Variants in ZNF680 observed in about 807,000 individuals in gnomAD.
ZNF680 encodes the protein hypothetical protein FLJ90430.
ZNF680 carries 6 observed loss-of-function variants against 12.1 expected under a neutral mutation model. The ratio of observed to expected loss-of-function variants is 0.49; its 90% CI spans 0.27 to 0.98. The LOEUF (loss-of-function observed/expected upper bound fraction) is 0.98, where lower values mean the gene tolerates loss of function less well. ZNF680 is among the 50% of genes least tolerant of loss of function. The pLI, the probability that ZNF680 is intolerant of heterozygous loss-of-function variation, is 0.12. For synonymous variants in ZNF680, 170 were observed against 199.3 expected (o/e 0.85, Z 1.24); for missense variants, 561 against 616.3 (o/e 0.91, Z 0.95).
chr7:64,522,496 T>C lies in ZNF680; in HGVS notation c.258A>G (p.Ile86Met). ...AAAGGTCTTCAGTGAAATGAGAATATATAACTGAAAGACATAAAAGTAACA... is the reference window on the plus strand; with the variant it reads ...AAAGGTCTTCAGTGAAATGAGAATACATAACTGAAAGACATAAAAGTAACA... ...RQEMVAKPPV[I>M]YSHFTEDLWP... The change falls in exon 4 of 4, where the codon ATA (isoleucine) becomes ATG (methionine). Residue 86 changes from isoleucine (I) to methionine (M), a missense_variant. Coordinates refer to ENST00000309683, the MANE Select transcript of ZNF680 (RefSeq NM_178558.5). 5 of 1,473,144 alleles carry C rather than the reference T, an allele frequency of 3.4e-6. No homozygotes were observed. The highest frequency in any genetic ancestry group is 4.5e-6 in the Non-Finnish European group (5 of 1,110,644). The allele number at this position is 1,473,144 out of a possible 1,614,324, so 91.3% of individuals were successfully genotyped here.
chr7:64,500,093 C>G, the ZNF680 span, among the ~76,000 whole-genome samples: 1 of 151,960 alleles, frequency 6.6e-6, no homozygotes, highest in Non-Finnish European at 1.5e-5. Context: ...TGACCTAACT[C>G]GGCCAGCTGC....
At chr7:64,533,432 T>C (rs1785991118) in intron 3 of ZNF680, among the ~76,000 whole-genome samples, 2 of 151,948 alleles carry the variant, frequency 1.3e-5, no homozygotes, top group Admixed American at 6.6e-5. Flanking sequence ...GCAAAAATAA[T>C]AAAATACTTA....
chr7:64,556,066 G>A lies in ZNF680; in HGVS notation c.30+6859C>T, dbSNP rs372669764. Among the ~76,000 whole-genome samples, 14 of 151,458 alleles carry A rather than the reference G, an allele frequency of 9.2e-5. No homozygotes were observed. In the East Asian group the frequency reaches 2.1e-3, roughly 23 times the overall value. Reference sequence around the variant, plus strand: ...ATGTCTAGGAATACACCTAATCAGGGAGGTGAAAAATCTCTAAAACAAAAA... The same window carrying A: ...ATGTCTAGGAATACACCTAATCAGGAAGGTGAAAAATCTCTAAAACAAAAA... On this transcript the variant is annotated intron_variant, in intron 1 of 3. Coordinates refer to ENST00000309683, the MANE Select transcript of ZNF680 (RefSeq NM_178558.5).
chr7:64,507,546 CTT>C, the ZNF680 span, among the ~76,000 whole-genome samples: 1 of 149,686 alleles, frequency 6.7e-6, no homozygotes, highest in African/African-American at 2.5e-5. Context: ...GAGTTTCGCT[CTT>C]GTCACCCAGG....
chr7:64,512,378 G>A, the ZNF680 span, among the ~76,000 whole-genome samples: 11 of 150,536 alleles, frequency 7.3e-5, no homozygotes, highest in African/African-American at 2.4e-4. Flanking sequence ...GTTTGAACCC[G>A]GGAGGCAGAG....
chr7:64,517,708 A>G (rs1266874385), downstream of ZNF680, among the ~76,000 whole-genome samples: 1 of 152,068 alleles, frequency 6.6e-6, no homozygotes, highest in South Asian at 2.1e-4. Flanking sequence ...AAAAAATCTA[A>G]CTGAATCCAA....
chr7:64,507,535 G>A, the ZNF680 span, among the ~76,000 whole-genome samples: 10 of 148,494 alleles, frequency 6.7e-5, no homozygotes, highest in South Asian at 2.1e-4. Flanking sequence ...TTTTTGAGAC[G>A]GAGTTTCGCT....
rs189151326 is a variant in ZNF680, at chr7:64,530,298, G to A, written c.254-7798C>T. The stretch of plus-strand genomic sequence containing the variant: ...AAGGTACACAGGCAACAAATGGCAC[G>A]ATAAATGAAATGGTATCTCACATCT... On this transcript the variant is annotated intron_variant, in intron 3 of 3. Coordinates refer to ENST00000309683, the MANE Select transcript of ZNF680 (RefSeq NM_178558.5). Among the ~76,000 whole-genome samples, 201 of 152,256 alleles carry A rather than the reference G, an allele frequency of 1.3e-3. 1 individual carries two copies. The highest frequency in any genetic ancestry group is 4.5e-3 in the African/African-American group (186 of 41,548).
intron 1 of ZNF680, among the ~76,000 whole-genome samples, chr7:64,554,453 G>T (rs1363164849): frequency 2.0e-5 from 3 of 151,434 alleles, no homozygotes; most frequent in Non-Finnish European, 3.0e-5. Context: ...TCTGGGAGGT[G>T]GGGGGGCGCC....
chr7:64,534,568 G>A (rs2116442230), intron 3 of ZNF680, among the ~76,000 whole-genome samples: 1 of 152,316 alleles, frequency 6.6e-6, no homozygotes, highest in African/African-American at 2.4e-5. Context: ...TGGTGGGAAT[G>A]TAAACTAGTA....
chr7:64,521,368 G>C lies in ZNF680; in HGVS notation c.1386C>G (p.Tyr462Ter). Reference protein sequence around the residue: ...HKVIHTGEKSYKCDECGNVFN... With the variant: ...HKVIHTGEKS ...AAACATTGCCACATTCATCACATTTGTAGGATTTCTCTCCAGTATGAATTA... is the reference window on the plus strand; with the variant it reads ...AAACATTGCCACATTCATCACATTTCTAGGATTTCTCTCCAGTATGAATTA... The change falls in exon 4 of 4, where the codon TAC (tyrosine) becomes TAG (stop). Residue 462 changes from tyrosine (Y) to a stop codon, truncating the protein, a stop_gained. Coordinates refer to ENST00000309683, the MANE Select transcript of ZNF680 (RefSeq NM_178558.5). LOFTEE classifies it low-confidence loss of function (END_TRUNC). 1 of 1,613,572 alleles carries C rather than the reference G, an allele frequency of 6.2e-7. No individual in the cohort carries two copies. Among genetic ancestry groups the C allele is most frequent in the Non-Finnish European group, 8.5e-7 (1 of 1,179,654 alleles).
At chr7:64,501,592 C>G in the ZNF680 span, 1 of 775,456 alleles carries the variant, frequency 1.3e-6, no homozygotes. Context: ...GCAGATGACT[C>G]TGCTGAGGAG....
Position 64,544,428 on chromosome 7 carries a change from G to T in ZNF680, c.35C>A (p.Pro12Gln), listed in dbSNP as rs1345732749. ...TATGGCCACATCCCTAAATGTCAGT[G>T]GTCCCTGAAAAACACACACACACAC... The part of the protein sequence containing the change: ...PGPPGSLEMG[P>Q]LTFRDVAIEF... Residue 12 changes from proline to glutamine, a missense_variant, in exon 2 of 4, where the codon CCA becomes CAA. By Grantham distance (76) the Pro-to-Gln change is moderately conservative. Transcript: ENST00000309683. The T allele has an allele frequency of 6.3e-7, 1 of 1,587,854 alleles. No individual in the cohort carries two copies. Among genetic ancestry groups the T allele is most frequent in the African/African-American group, 1.5e-5 (1 of 68,692 alleles).
the ZNF680 span, among the ~76,000 whole-genome samples, chr7:64,504,571 T>G: frequency 6.6e-6 from 1 of 152,230 alleles, no homozygotes; most frequent in African/African-American, 2.4e-5. Context: ...CAGAGTAGGA[T>G]TCATACTTTT....
intron 1 of ZNF680, among the ~76,000 whole-genome samples, chr7:64,546,007 G>T (rs1786766982): frequency 6.6e-6 from 1 of 152,186 alleles, no homozygotes; most frequent in East Asian, 1.9e-4. Context: ...ATGATGCAGA[G>T]AATGTAAAGA....
the ZNF680 span, among the ~76,000 whole-genome samples, chr7:64,504,936 A>G: frequency 6.6e-6 from 1 of 152,172 alleles, no homozygotes; most frequent in African/African-American, 2.4e-5. Context: ...TAGATTTGCA[A>G]TCTTCAATCT....
chr7:64,527,402 A>G (rs1211658663), intron 3 of ZNF680, among the ~76,000 whole-genome samples: 1 of 152,046 alleles, frequency 6.6e-6, no homozygotes, highest in African/African-American at 2.4e-5. Flanking sequence ...TAAACTAATT[A>G]ATAAAAAAAG....
intron 1 of ZNF680, among the ~76,000 whole-genome samples, chr7:64,555,682 G>GA (rs901366144): frequency 1.1e-4 from 16 of 144,564 alleles, no homozygotes; most frequent in Non-Finnish European, 1.5e-4. Flanking sequence ...GATTTAAACA[G>GA]AAAAAAAATA....
chr7:64,505,922 A>C, the ZNF680 span, among the ~76,000 whole-genome samples: 6 of 152,108 alleles, frequency 3.9e-5, no homozygotes, highest in Non-Finnish European at 8.8e-5. Flanking sequence ...GAAATCACTT[A>C]CTTCCAGGCC....
Sources: gnomAD v4.1 joint callset for allele counts (sites outside exome capture counted in the v4.1 genomes callset) on GRCh38, gnomAD v4.1.1 for gene constraint, MANE v1.5 for transcripts, NCBI Gene and HGNC (gene_info 2026-07-23, HGNC 2026-07-21) for gene names.